SERTAD4: variants seen among roughly 807,000 people sequenced by gnomAD.
SERTAD4 encodes SERTA domain containing 4, also known as SERTA domain-containing protein 4.
A neutral mutation model predicts 32.9 loss-of-function variants in SERTAD4; 18 were observed. The ratio of observed to expected loss-of-function variants is 0.55; its 90% CI spans 0.38 to 0.81. The LOEUF (loss-of-function observed/expected upper bound fraction) is 0.81. Among genes scored for constraint, SERTAD4 ranks in the 30% least tolerant of loss-of-function variants. The pLI, the probability that SERTAD4 is intolerant of heterozygous loss-of-function variation, is 0.00. For missense variants in SERTAD4, 383 were observed against 426.0 expected (o/e 0.90, Z 0.89); for synonymous variants, 150 against 156.4 (o/e 0.96, Z 0.30).
intron 1 of SERTAD4, among the ~76,000 whole-genome samples, chr1:210,237,719 C>T (rs962182693): frequency 3.3e-5 from 5 of 152,070 alleles, no homozygotes; most frequent in African/African-American, 1.2e-4. Context: ...TTTAAAGATC[C>T]GCCCATGAAA....
chr1:210,240,069 G>C (rs1226166415), intron 3 of SERTAD4, among the ~76,000 whole-genome samples: 1 of 152,076 alleles, frequency 6.6e-6, no homozygotes, highest in Admixed American at 6.5e-5. Flanking sequence ...ATCCTTGAAT[G>C]TGTGTATACA....
At position 210,243,488 on chromosome 1, in the gene SERTAD4, A is replaced by C. The variant is rs991403832; in HGVS notation, c.*1151A>C. 2 of 152,224 alleles carry C rather than the reference A, an allele frequency of 1.3e-5. No individual in the cohort carries two copies. Among genetic ancestry groups the C allele is most frequent in the Non-Finnish European group, 2.9e-5 (2 of 68,040 alleles). 9.4% of individuals were successfully genotyped at this position (152,224 alleles called of 1,614,324 possible). A position where few individuals can be genotyped will look rare whatever the true frequency, so the allele number is the denominator to read the frequency against. ...TATATGAACTTTGCTGTTGATTAAG[A>C]AGCACAATGTTAATAAATGATGTGG... On this transcript the variant is annotated 3_prime_UTR_variant, in exon 4 of 4. Transcript: ENST00000367012.
At chr1:210,241,094 G>A (rs1335262335) in intron 3 of SERTAD4, among the ~76,000 whole-genome samples, 1 of 78,574 alleles carries the variant, frequency 1.3e-5, no homozygotes, top group Non-Finnish European at 2.4e-5. Flanking sequence ...TAACATCCAG[G>A]TCGAGAACCA....
At chr1:210,234,442 G>A (rs1383600767) in intron 1 of SERTAD4, among the ~76,000 whole-genome samples, 1 of 152,192 alleles carries the variant, frequency 6.6e-6, no homozygotes, top group Non-Finnish European at 1.5e-5. Context: ...ACTTCCCAGG[G>A]CAGACAGGTG....
Position 210,242,269 on chromosome 1 carries a change from T to A in SERTAD4, c.1003T>A (p.Ser335Thr). ...CAATGTAAATGAATCTTGGAAAAAG[T>A]CCTTACGGAAAAAGGAGGCTTCACC... ...RNNVNESWKKSLRKKEASPPS... is the reference protein window; with the variant it reads ...RNNVNESWKKTLRKKEASPPS... The change falls in exon 4 of 4, where the codon TCC becomes ACC. Residue 335 changes from serine (S) to threonine (T), a missense_variant. Physicochemically the swap from Ser to Thr is moderately conservative, Grantham distance 58. Coordinates refer to ENST00000367012, the MANE Select transcript of SERTAD4 (RefSeq NM_019605.5). This position sits in a 1 kb window ranked among gnomAD's most constrained non-coding sequence, Gnocchi z 4.0. The A allele has an allele frequency of 1.9e-6, 3 of 1,609,764 alleles. No homozygotes were observed. Among genetic ancestry groups the A allele is most frequent in the Non-Finnish European group, 2.5e-6 (3 of 1,178,890 alleles).
downstream of SERTAD4, chr1:210,246,455 T>G: frequency 4.1e-6 from 2 of 488,144 alleles, no homozygotes; most frequent in Non-Finnish European, 5.3e-6. Context: ...CTTGCAAAGA[T>G]GTAAGTTATG....
intron 2 of SERTAD4, 29 bp from the exon 3 acceptor site, chr1:210,239,464 C>T (rs1297951209): frequency 7.5e-7 from 1 of 1,340,394 alleles, no homozygotes; most frequent in Non-Finnish European, 1.1e-6. Context: ...AACCGCATGT[C>T]ATTTGTCATA....
chr1:210,235,562 G>T (rs867367285), intron 1 of SERTAD4, among the ~76,000 whole-genome samples: 1 of 152,138 alleles, frequency 6.6e-6, no homozygotes, highest in Non-Finnish European at 1.5e-5. Flanking sequence ...ATTAGATATT[G>T]TGAACAAAAT....
chr1:210,232,915 C>A lies in SERTAD4; in HGVS notation c.-114C>A, dbSNP rs1035205809. On this transcript the variant is annotated 5_prime_UTR_variant, in exon 1 of 4. Coordinates refer to ENST00000367012, the MANE Select transcript of SERTAD4 (RefSeq NM_019605.5). ...CGCCGAGCGGGCGGCCGGGCCGGGA[C>A]CCGCGAGTGTGCACCGGCGGCCGGG... is the stretch of plus-strand genomic sequence containing the variant. The A allele has an allele frequency of 3.4e-5, 5 of 149,152 alleles. No individual in the cohort carries two copies. The highest frequency in any genetic ancestry group is 1.2e-4 in the African/African-American group (5 of 40,578). The allele number at this position is 149,152 out of a possible 1,614,324, so 9.2% of individuals were successfully genotyped here.
intron 1 of SERTAD4, among the ~76,000 whole-genome samples, chr1:210,236,131 G>A (rs2083938472): frequency 6.6e-6 from 1 of 152,252 alleles, no homozygotes; most frequent in African/African-American, 2.4e-5. Context: ...ATGATAGACA[G>A]AAGGACTTAA....
intron 1 of SERTAD4, among the ~76,000 whole-genome samples, chr1:210,234,600 G>A (rs376824990): frequency 1.3e-5 from 2 of 152,334 alleles, no homozygotes; most frequent in East Asian, 3.9e-4. Flanking sequence ...TCAGGGGCTT[G>A]ATGCCATTTA....
intron 3 of SERTAD4, among the ~76,000 whole-genome samples, chr1:210,240,564 T>C (rs1256136626): frequency 1.3e-5 from 2 of 152,330 alleles, no homozygotes; most frequent in Middle Eastern, 3.4e-3. Flanking sequence ...GCTTTTTTGA[T>C]GGCCTGGAAT....
chr1:210,233,573 C>G lies in SERTAD4; in HGVS notation c.-18+562C>G, dbSNP rs374622268. 3.8e-5 allele frequency: 16 copies of G among 423,672 alleles called. No individual in the cohort carries two copies. In the East Asian group the frequency reaches 3.9e-4, roughly 10 times the overall value. 26.2% of individuals were successfully genotyped at this position (423,672 alleles called of 1,614,324 possible). A position where few individuals can be genotyped will look rare whatever the true frequency, so the allele number is the denominator to read the frequency against. On this transcript the variant is annotated intron_variant, in intron 1 of 3. Coordinates refer to ENST00000367012, the MANE Select transcript of SERTAD4 (RefSeq NM_019605.5). Reference sequence around the variant, plus strand: ...GTCCCCCGCCACCTCCGCCCCCGCACCCTCCTCCCAGGCAGCAGAGCTGCG... The same window carrying G: ...GTCCCCCGCCACCTCCGCCCCCGCAGCCTCCTCCCAGGCAGCAGAGCTGCG...
At chr1:210,239,458 G>T in intron 2 of SERTAD4, 35 bp from the exon 3 acceptor site, 2 of 1,259,848 alleles carry the variant, frequency 1.6e-6, no homozygotes, top group Non-Finnish European at 2.3e-6. Flanking sequence ...CTGGCAAACC[G>T]CATGTCATTT....
In SERTAD4 at chr1:210,241,992, C is replaced by A. The variant is rs2084002425; in HGVS notation, c.726C>A (p.Arg242=). 18 of 1,614,116 alleles carry A rather than the reference C, an allele frequency of 1.1e-5. 1 individual carries two copies. The highest frequency in any genetic ancestry group is 3.3e-4 in the Middle Eastern group (2 of 6,062). The change falls in exon 4 of 4, where the codon CGC becomes CGA. Residue 242 remains arginine, a synonymous_variant. Transcript: ENST00000367012. ...SPPLPLPSCS[R]QVDFDVGSAS... ...CTTTGCCTTTACCGAGTTGTTCCCG[C>A]CAGGTGGATTTTGATGTAGGTAGTG... is the stretch of plus-strand genomic sequence containing the variant.
At position 210,238,011 on chromosome 1, in the gene SERTAD4, A is replaced by C. The variant is rs750794969; in HGVS notation, c.51A>C (p.Glu17Asp). 1.2e-6 allele frequency: 2 copies of C among 1,613,974 alleles called. No homozygotes were observed. The part of the protein sequence containing the change: ...MNRFCEPIVS[E>D]GAAEIAGYQT... The stretch of plus-strand genomic sequence containing the variant: ...GATTCTGCGAGCCCATTGTCTCGGA[A>C]GGAGCTGCTGAAATTGCTGGGTACC... Residue 17 changes from glutamate (E) to aspartate (D), a missense_variant, in exon 2 of 4, where the codon GAA becomes GAC. Physicochemically the swap from Glu to Asp is conservative, Grantham distance 45. Transcript: ENST00000367012.
At position 210,232,913 on chromosome 1, in the gene SERTAD4, G is replaced by A. The variant is rs1003208039; in HGVS notation, c.-116G>A. The A allele has an allele frequency of 1.3e-5, 2 of 149,118 alleles. No homozygotes were observed. The highest frequency in any genetic ancestry group is 4.9e-5 in the African/African-American group (2 of 40,556). The allele number at this position is 149,118 out of a possible 1,614,324, so 9.2% of individuals were successfully genotyped here. On this transcript the variant is annotated 5_prime_UTR_variant, in exon 1 of 4. Coordinates refer to ENST00000367012, the MANE Select transcript of SERTAD4 (RefSeq NM_019605.5). Reference sequence around the variant, plus strand: ...ACCGCCGAGCGGGCGGCCGGGCCGGGACCCGCGAGTGTGCACCGGCGGCCG... The same window carrying A: ...ACCGCCGAGCGGGCGGCCGGGCCGGAACCCGCGAGTGTGCACCGGCGGCCG...
Position 210,243,093 on chromosome 1 carries a change from CAAAAAAAAAAA to C in SERTAD4, c.*768_*778del, listed in dbSNP as rs57426441. On this transcript the variant is annotated 3_prime_UTR_variant, in exon 4 of 4. Coordinates refer to ENST00000367012, the MANE Select transcript of SERTAD4 (RefSeq NM_019605.5). ...TACAGCAGGGATTTAACAAACAGGA[CAAAAAAAAAAA>C]AAAAAAAAAAACCACAGGGTGGATC... 1.0e-5 allele frequency: 5 copies of C among 486,542 alleles called. No homozygotes were observed. The highest frequency in any genetic ancestry group is 3.1e-5 in the African/African-American group (1 of 32,010). 30.1% of individuals were successfully genotyped at this position (486,542 alleles called of 1,614,324 possible).
Position 210,242,484 on chromosome 1 carries a change from T to C in SERTAD4, c.*147T>C. On this transcript the variant is annotated 3_prime_UTR_variant, in exon 4 of 4. Transcript: ENST00000367012. This position sits in a 1 kb window ranked among gnomAD's most constrained non-coding sequence, Gnocchi z 4.0. ...TCGTTTTAATGCCTGGAGAGCAGAT[T>C]GCGTAAAACATCTGTATAGCAGGCA... 1.4e-6 allele frequency: 2 copies of C among 1,426,512 alleles called. No homozygotes were observed. The highest frequency in any genetic ancestry group is 1.8e-6 in the Non-Finnish European group (2 of 1,097,188). 88.4% of individuals were successfully genotyped at this position (1,426,512 alleles called of 1,614,324 possible). A position where few individuals can be genotyped will look rare whatever the true frequency, so the allele number is the denominator to read the frequency against.
Sources: allele counts gnomAD v4.1 joint callset (sites outside exome capture counted in the v4.1 genomes callset), GRCh38; gene constraint gnomAD v4.1.1; non-coding constraint Gnocchi (gnomAD v3.1); transcripts MANE v1.5; gene names NCBI Gene and HGNC (gene_info 2026-07-23, HGNC 2026-07-21).